The following TESMIN variants were observed in gnomAD, a reference collection of about 807,000 sequenced individuals.
TESMIN encodes the protein testis expressed metallothionein like protein.
A neutral mutation model predicts 47.4 loss-of-function variants in TESMIN; 34 were observed. The observed-to-expected ratio is 0.72, with a 90% confidence interval of 0.55 to 0.96. TESMIN has a LOEUF of 0.96. Ranked by LOEUF, TESMIN falls within the 40% of genes least tolerant of loss-of-function variation. The pLI is 0.00. For synonymous variants in TESMIN, 278 were observed against 258.9 expected, an observed-to-expected ratio of 1.07 and a Z score of -0.71; for missense variants, 610 against 637.2, an observed-to-expected ratio of 0.96 and a Z score of 0.46.
Position 68,715,901 on chromosome 11 carries a change from T to A in TESMIN, c.956A>T (p.Asn319Ile). Residue 319 changes from asparagine (N) to isoleucine (I), a missense_variant, in exon 7 of 10, where the codon AAC becomes ATC. Transcript: ENST00000255087. ...GTTGCAACAATTATTACAATTGCAG[T>A]TGTTGCAAAAGTCCCCACTGGCAAA... ...DCFASGDFCN[N>I]CNCNNCCNNL... 6.2e-7 allele frequency: 1 copy of A among 1,613,724 alleles called. No individual in the cohort carries two copies. The highest frequency in any genetic ancestry group is 8.5e-7 in the Non-Finnish European group (1 of 1,179,622).
At chr11:68,706,177 T>C (rs1418491283), downstream of TESMIN, among the ~76,000 whole-genome samples, 1 of 152,230 alleles carries the variant, frequency 6.6e-6, no homozygotes, top group Non-Finnish European at 1.5e-5. Context: ...GTAGTCATCT[T>C]CTGTACTGTC....
chr11:68,728,613 A>G (rs938513721), intron 6 of TESMIN, among the ~76,000 whole-genome samples: 1 of 152,268 alleles, frequency 6.6e-6, no homozygotes, highest in African/African-American at 2.4e-5. Context: ...AGAAGATGCC[A>G]CCTAGAACTT....
intron 6 of TESMIN, among the ~76,000 whole-genome samples, chr11:68,719,952 G>A (rs796400039): frequency 1.3e-5 from 2 of 152,156 alleles, no homozygotes; most frequent in Admixed American, 1.3e-4. Context: ...AACTGTGGAT[G>A]CTCAGATTTA....
At chr11:68,728,845 A>G (rs1201277345) in intron 6 of TESMIN, among the ~76,000 whole-genome samples, 1 of 152,274 alleles carries the variant, frequency 6.6e-6, no homozygotes, top group Non-Finnish European at 1.5e-5. Context: ...TGTTTACAGC[A>G]TGATTTACTG....
intron 5 of TESMIN, 108 bp downstream of exon 5, chr11:68,742,210 T>C: frequency 4.1e-6 from 3 of 738,786 alleles, no homozygotes; most frequent in Non-Finnish European, 4.3e-6. Flanking sequence ...ACTTTGACTT[T>C]TAAATGGAAA....
intron 6 of TESMIN, chr11:68,737,451 C>G (rs1946400211): frequency 1.0e-6 from 1 of 985,526 alleles, no homozygotes; most frequent in Non-Finnish European, 1.2e-6. Context: ...GCCTTTCATT[C>G]CAGCCCCAAA....
At chr11:68,734,247 T>C (rs913426001) in intron 6 of TESMIN, among the ~76,000 whole-genome samples, 5 of 152,214 alleles carry the variant, frequency 3.3e-5, no homozygotes, top group African/African-American at 1.2e-4. Context: ...AGGAAGGGAT[T>C]ATTACAACTC....
At chr11:68,727,531 A>G (rs556796275) in intron 6 of TESMIN, among the ~76,000 whole-genome samples, 1 of 152,364 alleles carries the variant, frequency 6.6e-6, no homozygotes, top group East Asian at 1.9e-4. Flanking sequence ...TCTGAGAGGA[A>G]GAGACCTCTC....
At chr11:68,708,823 G>A (rs1283717452) in intron 9 of TESMIN, among the ~76,000 whole-genome samples, 2 of 151,876 alleles carry the variant, frequency 1.3e-5, no homozygotes, top group Non-Finnish European at 2.9e-5. Context: ...CACGATCTCG[G>A]CTCACTGCAA....
At chr11:68,719,227 C>T (rs1249263155) in intron 6 of TESMIN, among the ~76,000 whole-genome samples, 2 of 152,202 alleles carry the variant, frequency 1.3e-5, no homozygotes. Context: ...AAGACCGTTA[C>T]ACAACCAGAG....
At position 68,715,851 on chromosome 11, in the gene TESMIN, A is replaced by G; in HGVS notation, c.1006T>C (p.Phe336Leu). The change falls in exon 7 of 10, where the codon TTT becomes CTT. Residue 336 changes from phenylalanine (F) to leucine (L), a missense_variant. Coordinates refer to ENST00000255087, the MANE Select transcript of TESMIN (RefSeq NM_004923.3). ...ACATTTATTACCTTAATGGCTTTAA[A>G]CCGTTCAATATCATGATGCAAGTTG... is the stretch of plus-strand genomic sequence containing the variant. ...CNNLHHDIER[F>L]KAIKACLGRN... The G allele has an allele frequency of 6.2e-7, 1 of 1,605,226 alleles. No individual in the cohort carries two copies.
chr11:68,715,726 C>T, intron 7 of TESMIN, 111 bp downstream of exon 7: 5 of 777,172 alleles, frequency 6.4e-6, no homozygotes, highest in Non-Finnish European at 1.0e-5. Flanking sequence ...AATGTAAATT[C>T]TTCAAAACTG....
intron 4 of TESMIN, among the ~76,000 whole-genome samples, chr11:68,742,637 G>T (rs1048103223): frequency 6.6e-6 from 1 of 151,998 alleles, no homozygotes; most frequent in Non-Finnish European, 1.5e-5. Context: ...AGCTTCCAGG[G>T]TTGCTCTACT....
intron 6 of TESMIN, among the ~76,000 whole-genome samples, chr11:68,728,592 C>T (rs1041613733): frequency 1.3e-5 from 2 of 152,148 alleles, no homozygotes; most frequent in Non-Finnish European, 2.9e-5. Flanking sequence ...ATGAAGCAGC[C>T]TTCTACTAGA....
chr11:68,736,959 C>G (rs760246045), intron 6 of TESMIN: 1 of 985,396 alleles, frequency 1.0e-6, no homozygotes, highest in Non-Finnish European at 1.2e-6. Flanking sequence ...GAGGGTGCTG[C>G]AACTGGGAGA....
downstream of TESMIN, among the ~76,000 whole-genome samples, chr11:68,706,593 C>A (rs1176930882): frequency 2.0e-5 from 3 of 152,324 alleles, no homozygotes; most frequent in African/African-American, 4.8e-5. Flanking sequence ...GCGCCCGAAC[C>A]CTTAAGGTGT....
chr11:68,745,743 G>A (rs550091408), intron 3 of TESMIN, among the ~76,000 whole-genome samples: 13 of 152,320 alleles, frequency 8.5e-5, no homozygotes, highest in African/African-American at 3.1e-4. Context: ...GCTTGGGCCT[G>A]AGCAGCACTG....
At chr11:68,714,970 TGC>T (rs1946119031) in intron 7 of TESMIN, among the ~76,000 whole-genome samples, 1 of 152,252 alleles carries the variant, frequency 6.6e-6, no homozygotes. Flanking sequence ...AAAGTTTACA[TGC>T]GTGACAATTT....
At chr11:68,749,291 T>G (rs1243245405) in intron 2 of TESMIN, among the ~76,000 whole-genome samples, 2 of 152,174 alleles carry the variant, frequency 1.3e-5, no homozygotes, top group African/African-American at 4.8e-5. Flanking sequence ...GACTGGCAAT[T>G]ACCATAACAG....
Sources: gnomAD v4.1 joint callset for allele counts (sites outside exome capture counted in the v4.1 genomes callset) on GRCh38, gnomAD v4.1.1 for gene constraint, MANE v1.5 for transcripts, NCBI Gene and HGNC (gene_info 2026-07-23, HGNC 2026-07-21) for gene names.